Variants in CLDN14 observed in about 807,000 individuals in gnomAD.
CLDN14 encodes the protein claudin-14.
In CLDN14, 2 loss-of-function variants were observed where a neutral mutation model predicts 2.1. The observed-to-expected ratio is 0.96, with a 90% CI of 0.39 to 3.01. CLDN14 has a LOEUF of 3.01. Ranked by LOEUF, CLDN14 falls within the 30% of genes most tolerant of loss-of-function variation. The pLI is 0.09. For missense variants in CLDN14, 298 were observed against 328.0 expected, an observed-to-expected ratio of 0.91 and a Z score of 0.71; for synonymous variants, 136 against 154.4, an observed-to-expected ratio of 0.88 and a Z score of 0.88.
At chr21:36,489,050 C>G (rs998586122) in intron 2 of CLDN14, among the ~76,000 whole-genome samples, 4 of 140,698 alleles carry the variant, frequency 2.8e-5, no homozygotes, top group South Asian at 4.6e-4. Context: ...GTGGAAGTTG[C>G]AATAAGTCGA....
At position 36,498,462 on chromosome 21, in the gene CLDN14, A is replaced by G. The variant is rs1400878107; in HGVS notation, c.-82+11901T>C. 6.6e-6 allele frequency among the ~76,000 whole-genome samples: 1 copy of G among 152,216 alleles called. No homozygotes were observed. The highest frequency in any genetic ancestry group is 1.5e-5 in the Non-Finnish European group (1 of 68,036). On this transcript the variant is annotated intron_variant, in intron 2 of 2. Transcript: ENST00000342108. The surrounding 1 kb of genome is among the most constrained non-coding windows in gnomAD (Gnocchi z 4.9). ...TTAGCTGTGAAAGACCAGTAGACCA[A>G]CTGGTGGGAAAAATACTTGCACGGC...
intron 2 of CLDN14, chr21:36,486,649 T>C (rs188103469): frequency 6.7e-7 from 1 of 1,502,456 alleles, no homozygotes; most frequent in East Asian, 2.3e-5. Context: ...CTGTCAGCTT[T>C]TCTCTGTTCA....
chr21:36,489,810 T>C (rs907465169), intron 2 of CLDN14, among the ~76,000 whole-genome samples: 15 of 152,178 alleles, frequency 9.9e-5, no homozygotes, highest in African/African-American at 3.6e-4. Flanking sequence ...CGGCTGGCCA[T>C]AAGAAGATCC....
intron 2 of CLDN14, among the ~76,000 whole-genome samples, chr21:36,487,940 CTG>C (rs2086914250): frequency 6.6e-6 from 1 of 152,194 alleles, no homozygotes; most frequent in Non-Finnish European, 1.5e-5. Context: ...ATCCAAAAAA[CTG>C]TCTCTTAAAA....
chr21:36,534,101 A>AT (rs955758210), intron 1 of CLDN14, among the ~76,000 whole-genome samples: 26 of 148,938 alleles, frequency 1.7e-4, no homozygotes, highest in Admixed American at 2.0e-4. Context: ...GTGGCTTTAA[A>AT]TTTTTTTTTT....
rs183896130 is a variant in CLDN14 at position 36,567,829 on chromosome 21, G to A, written c.-220+8582C>T. ...GAAATCAATGCATTTCCTAGGATAA[G>A]CCAAAGTCATTCATTTTTTTTTTCA... On this transcript the variant is annotated intron_variant, in intron 1 of 2. Coordinates refer to the CLDN14 transcript ENST00000342108. Among the ~76,000 whole-genome samples, 38 of 151,492 alleles carry A rather than the reference G, an allele frequency of 2.5e-4. No individual in the cohort carries two copies. The East Asian group carries it at 6.4e-3, about 25-fold the overall frequency.
chr21:36,508,354 T>C (rs917487257), intron 2 of CLDN14, among the ~76,000 whole-genome samples: 6 of 152,128 alleles, frequency 3.9e-5, no homozygotes, highest in African/African-American at 1.4e-4. Context: ...ATGGAAATGA[T>C]GAAGGAAGCA....
At chr21:36,548,646 G>A (rs542531228) in intron 1 of CLDN14, among the ~76,000 whole-genome samples, 6 of 152,218 alleles carry the variant, frequency 3.9e-5, no homozygotes, top group African/African-American at 1.4e-4. Context: ...ACTGCCCCAC[G>A]GTATCTCCTG....
At chr21:36,476,351 G>A (rs1217192952) in intron 1 of CLDN14, among the ~76,000 whole-genome samples, 1 of 152,034 alleles carries the variant, frequency 6.6e-6, no homozygotes, top group Non-Finnish European at 1.5e-5. Context: ...TACAACCTGG[G>A]TCCTCTTCCT....
chr21:36,566,220 T>C (rs1406739597), intron 1 of CLDN14, among the ~76,000 whole-genome samples: 1 of 152,228 alleles, frequency 6.6e-6, no homozygotes, highest in Non-Finnish European at 1.5e-5. Flanking sequence ...ATGAATGTAA[T>C]AATATAACCA....
intron 1 of CLDN14, among the ~76,000 whole-genome samples, chr21:36,555,635 T>G (rs2087593201): frequency 6.6e-6 from 1 of 152,172 alleles, no homozygotes; most frequent in Non-Finnish European, 1.5e-5. Context: ...CCCCATGGGC[T>G]CCAGACGTTT....
chr21:36,508,300 C>T (rs936434155), intron 2 of CLDN14, among the ~76,000 whole-genome samples: 1 of 152,080 alleles, frequency 6.6e-6, no homozygotes, highest in South Asian at 2.1e-4. Context: ...GAATATTATG[C>T]CAAGTGTCAA....
chr21:36,473,532 AAG>A (rs1295322613), intron 1 of CLDN14, among the ~76,000 whole-genome samples: 2 of 152,240 alleles, frequency 1.3e-5, no homozygotes, highest in Non-Finnish European at 2.9e-5. Flanking sequence ...TGAAGGGCAG[AAG>A]AGAGGAATTT....
chr21:36,523,773 GAGAAAGAGAGAA>G (rs1461149534), intron 1 of CLDN14, among the ~76,000 whole-genome samples: 1 of 15,714 alleles, frequency 6.4e-5, no homozygotes, highest in Admixed American at 6.6e-4. Context: ...GAAAGAAAGA[GAGAAAGAGAGAA>G]AGAAAGAAAG....
At chr21:36,536,047 G>T (rs1429434167) in intron 1 of CLDN14, among the ~76,000 whole-genome samples, 2 of 152,246 alleles carry the variant, frequency 1.3e-5, no homozygotes, top group Admixed American at 1.3e-4. Context: ...GTGCTGTTCA[G>T]CACTTAAGCA....
At chr21:36,517,829 T>C (rs2087239929) in intron 1 of CLDN14, among the ~76,000 whole-genome samples, 1 of 152,138 alleles carries the variant, frequency 6.6e-6, no homozygotes, top group African/African-American at 2.4e-5. Context: ...ATCAGCCAAG[T>C]TGAAGTAAAG....
rs560101794 is a variant in CLDN14, at chr21:36,544,803, CAT to C, written c.-220+31606_-220+31607del. Among the ~76,000 whole-genome samples the C allele has an allele frequency of 5.6e-4, 86 of 152,302 alleles. 2 individuals are homozygous for C. The South Asian group carries it at 0.014, about 25-fold the overall frequency. On this transcript the variant is annotated intron_variant, in intron 1 of 2. Transcript: ENST00000342108. This position sits in a 1 kb window ranked among gnomAD's most constrained non-coding sequence, Gnocchi z 4.1. ...CTGCAAGGACATCCGCGAAGTAAGA[CAT>C]GTGCACAGAGCAACCATGTGAAAAC...
At chr21:36,502,400 C>T (rs2087099117) in intron 2 of CLDN14, among the ~76,000 whole-genome samples, 1 of 152,166 alleles carries the variant, frequency 6.6e-6, no homozygotes, top group Non-Finnish European at 1.5e-5. Context: ...AGCATTATGC[C>T]ATCTCTGTAG....
At chr21:36,481,222 A>G (rs1442292195), upstream of CLDN14, among the ~76,000 whole-genome samples, 1 of 152,204 alleles carries the variant, frequency 6.6e-6, no homozygotes, top group Non-Finnish European at 1.5e-5. Flanking sequence ...TGACAACGAA[A>G]TAGACCTTTT....
Sources: allele counts gnomAD v4.1 joint callset (sites outside exome capture counted in the v4.1 genomes callset), GRCh38; gene constraint gnomAD v4.1.1; non-coding constraint Gnocchi (gnomAD v3.1); transcripts MANE v1.5; gene names NCBI Gene and HGNC (gene_info 2026-07-23, HGNC 2026-07-21).